Variants in PCDH9 observed in about 807,000 individuals in gnomAD.
PCDH9 encodes the protein protocadherin-9.
A neutral mutation model predicts 70.6 loss-of-function variants in PCDH9; 24 were observed. The observed-to-expected ratio is 0.34, with a 90% CI of 0.25 to 0.48. PCDH9 has a LOEUF of 0.48. Ranked by LOEUF, PCDH9 falls within the 20% of genes least tolerant of loss-of-function variation. The probability of loss-of-function intolerance (pLI) is 0.99; values close to 1 mark genes in which losing one functional copy is unlikely to be tolerated. For synonymous variants in PCDH9, 562 were observed against 558.5 expected (o/e 1.01, Z -0.09); for missense variants, 1,281 against 1,503.6 (o/e 0.85, Z 2.45).
intron 3 of PCDH9, among the ~76,000 whole-genome samples, chr13:66,682,226 G>C (rs980180918): frequency 6.6e-6 from 1 of 151,868 alleles, no homozygotes; most frequent in African/African-American, 2.4e-5. Context: ...CTGCATAGCT[G>C]TTTATGTATT....
rs572555229 is a variant in PCDH9, at chr13:66,755,435, C to T, written c.3139-124024G>A. 1.5e-4 allele frequency among the ~76,000 whole-genome samples: 23 copies of T among 152,166 alleles called. No homozygotes were observed. In the South Asian group the frequency reaches 2.7e-3, roughly 18 times the overall value. On this transcript the variant is annotated intron_variant, in intron 3 of 4. Coordinates refer to ENST00000377865, the MANE Select transcript of PCDH9 (RefSeq NM_203487.3). ...CTGTTTCGTTGAAATAAAGCAGTGG[C>T]GCTGCAAATTAAATTGAGTATTCCC... is the stretch of plus-strand genomic sequence containing the variant.
intron 3 of PCDH9, among the ~76,000 whole-genome samples, chr13:66,902,290 G>A (rs2082288483): frequency 6.6e-6 from 1 of 151,652 alleles, no homozygotes; most frequent in East Asian, 1.9e-4. Flanking sequence ...ATAAAAATAT[G>A]CAGAGAATTA....
At chr13:66,627,061 A>C (rs1295749660) in intron 4 of PCDH9, among the ~76,000 whole-genome samples, 1 of 151,428 alleles carries the variant, frequency 6.6e-6, no homozygotes, top group Non-Finnish European at 1.5e-5. Context: ...ATTTGTATTA[A>C]TTTCTTTGAA....
intron 4 of PCDH9, among the ~76,000 whole-genome samples, chr13:66,561,095 C>T (rs1446159836): frequency 2.0e-5 from 3 of 152,202 alleles, no homozygotes; most frequent in Non-Finnish European, 4.4e-5. Flanking sequence ...CCGGGCTGCG[C>T]GTGGTGCTTG....
At chr13:67,009,110 A>G (rs552285669) in intron 2 of PCDH9, among the ~76,000 whole-genome samples, 1 of 152,190 alleles carries the variant, frequency 6.6e-6, no homozygotes, top group East Asian at 1.9e-4. Flanking sequence ...ATTACCAAAC[A>G]TTAGCGTTCA....
chr13:66,436,857 G>GT (rs35606785), intron 4 of PCDH9, among the ~76,000 whole-genome samples: 11 of 151,826 alleles, frequency 7.2e-5, no homozygotes, highest in East Asian at 5.8e-4. Context: ...AGTGTGCCAA[G>GT]TTTTTTTATT....
At chr13:67,057,133 A>G (rs1295829023) in intron 2 of PCDH9, among the ~76,000 whole-genome samples, 1 of 152,162 alleles carries the variant, frequency 6.6e-6, no homozygotes, top group Non-Finnish European at 1.5e-5. Flanking sequence ...CTCAGGACAC[A>G]CTATTTTGAA....
At chr13:67,098,210 A>C (rs1190210047) in intron 2 of PCDH9, among the ~76,000 whole-genome samples, 5 of 152,214 alleles carry the variant, frequency 3.3e-5, no homozygotes, top group Admixed American at 2.0e-4. Context: ...ACAAAATAGT[A>C]TGCAATAAAT....
intron 2 of PCDH9, among the ~76,000 whole-genome samples, chr13:67,097,859 T>C (rs974004137): frequency 6.6e-6 from 1 of 152,150 alleles, no homozygotes; most frequent in African/African-American, 2.4e-5. Context: ...CAGAGTGCCA[T>C]ATAAATACGC....
intron 2 of PCDH9, chr13:67,222,890 A>G (rs1165672050): frequency 6.6e-6 from 1 of 152,178 alleles, no homozygotes; most frequent in Admixed American, 6.5e-5. Flanking sequence ...TATATATTTG[A>G]TGTCGTTCAT....
chr13:66,625,322 G>A (rs1231851855), intron 4 of PCDH9, among the ~76,000 whole-genome samples: 4 of 152,038 alleles, frequency 2.6e-5, no homozygotes, highest in Non-Finnish European at 4.4e-5. Context: ...GGTTTTTAGG[G>A]TACAACATCA....
intron 2 of PCDH9, among the ~76,000 whole-genome samples, chr13:66,983,351 T>C (rs138940232): frequency 1.5e-3 from 226 of 152,172 alleles, no homozygotes; most frequent in African/African-American, 5.4e-3. Flanking sequence ...GCCGATTACT[T>C]ACAATGAAAG....
chr13:66,956,522 C>T (rs1357264889), intron 2 of PCDH9, among the ~76,000 whole-genome samples: 1 of 152,094 alleles, frequency 6.6e-6, no homozygotes, highest in South Asian at 2.1e-4. Context: ...GAGGCTGAGG[C>T]GGGCTGATCA....
chr13:66,516,482 T>G (rs928331628), intron 4 of PCDH9, among the ~76,000 whole-genome samples: 1 of 152,086 alleles, frequency 6.6e-6, no homozygotes, highest in Admixed American at 6.6e-5. Flanking sequence ...AATTTATATA[T>G]AAGCCAAATT....
chr13:66,932,681 T>C (rs12854515), intron 2 of PCDH9, among the ~76,000 whole-genome samples: 24,847 of 114,644 alleles, frequency 0.22, 2,708 homozygotes, highest in East Asian at 0.41. Context: ...TATATATATA[T>C]ACACACACAC....
At chr13:66,795,985 G>T (rs2080234667) in intron 3 of PCDH9, among the ~76,000 whole-genome samples, 2 of 152,116 alleles carry the variant, frequency 1.3e-5, no homozygotes, top group Admixed American at 1.3e-4. Flanking sequence ...ATGGCTGTCT[G>T]CACGCTGCCT....
intron 2 of PCDH9, among the ~76,000 whole-genome samples, chr13:66,956,859 T>C (rs1026294842): frequency 4.3e-4 from 65 of 152,056 alleles, no homozygotes; most frequent in African/African-American, 1.4e-3. Context: ...TCTTCCCCTC[T>C]CCCCCCACCA....
chr13:66,601,190 G>T (rs1234798103), intron 4 of PCDH9, among the ~76,000 whole-genome samples: 1 of 145,512 alleles, frequency 6.9e-6, no homozygotes, highest in Non-Finnish European at 1.5e-5. Flanking sequence ...ATAACATCTA[G>T]ATTTTTTTCC....
intron 3 of PCDH9, among the ~76,000 whole-genome samples, chr13:66,824,285 G>T (rs2080769360): frequency 1.5e-5 from 2 of 132,200 alleles, no homozygotes; most frequent in Non-Finnish European, 3.2e-5. Flanking sequence ...TTAAAATTTT[G>T]CCCTCATTTG....
Sources: allele counts gnomAD v4.1 joint callset (sites outside exome capture counted in the v4.1 genomes callset), GRCh38; gene constraint gnomAD v4.1.1; transcripts MANE v1.5; gene names NCBI Gene and HGNC (gene_info 2026-07-23, HGNC 2026-07-21).